Variants in DNAJC6 observed in about 807,000 individuals in gnomAD.
The protein encoded by DNAJC6 is DnaJ heat shock protein family (Hsp40) member C6.
Under a neutral mutation model 110.0 loss-of-function variants are expected in DNAJC6, and 34 were observed. The ratio of observed to expected loss-of-function variants is 0.31; its 90% CI spans 0.24 to 0.41. The LOEUF is 0.41. Among genes scored for constraint, DNAJC6 ranks in the 10% least tolerant of loss-of-function variants. The pLI is 1.00. For synonymous variants in DNAJC6, 406 were observed against 437.2 expected, an observed-to-expected ratio of 0.93 and a Z score of 0.89; for missense variants, 1,031 against 1,207.8, an observed-to-expected ratio of 0.85 and a Z score of 2.17.
chr1:65,413,016 C>G lies in DNAJC6; in HGVS notation c.2904C>G (p.Pro968=), dbSNP rs1646142809. The change falls in exon 19 of 19, where the codon CCC becomes CCG. Residue 968 remains proline (P), a synonymous_variant. Coordinates refer to ENST00000371069, the MANE Select transcript of DNAJC6 (RefSeq NM_001256864.2). ...AATTTGAAAACCAAGGCCAAAAGCC[C>G]TTATATTAATTTATGAGCTTTTCCA... ...WSEFENQGQK[P]LY The G allele has an allele frequency of 1.2e-6, 2 of 1,613,776 alleles. No individual in the cohort carries two copies. The highest frequency in any genetic ancestry group is 1.7e-6 in the Non-Finnish European group (2 of 1,179,818).
chr1:65,300,657 A>G (rs1339090470), intron 1 of DNAJC6, among the ~76,000 whole-genome samples: 2 of 152,244 alleles, frequency 1.3e-5, no homozygotes, highest in Non-Finnish European at 2.9e-5. Flanking sequence ...CTCTTTGGGT[A>G]TGGTAATCCT....
intron 1 of DNAJC6, among the ~76,000 whole-genome samples, chr1:65,347,123 A>G (rs1299583989): frequency 6.6e-6 from 1 of 152,226 alleles, no homozygotes; most frequent in East Asian, 1.9e-4. Flanking sequence ...CTAAGTGGAA[A>G]TATGGCAGGT....
At chr1:65,394,844 A>G (rs1011434257) in intron 12 of DNAJC6, 54 bp from the exon 13 acceptor site, 2 of 1,521,016 alleles carry the variant, frequency 1.3e-6, no homozygotes, top group African/African-American at 1.4e-5. Context: ...ATTCTGTGAC[A>G]TTTAGTGAAT....
chr1:65,331,269 A>G (rs1185507793), intron 1 of DNAJC6, among the ~76,000 whole-genome samples: 5 of 152,224 alleles, frequency 3.3e-5, no homozygotes, highest in Admixed American at 6.5e-5. Flanking sequence ...AAAAGTGGCA[A>G]AGCAGGATCT....
intron 1 of DNAJC6, among the ~76,000 whole-genome samples, chr1:65,361,084 T>G (rs370622351): frequency 1.3e-5 from 2 of 152,322 alleles, no homozygotes; most frequent in Admixed American, 6.5e-5. Flanking sequence ...GGGTTTGAAT[T>G]GCTGACCCTT....
chr1:65,268,904 A>G (rs1452479284), intron 1 of DNAJC6, among the ~76,000 whole-genome samples: 1 of 152,220 alleles, frequency 6.6e-6, no homozygotes, highest in African/African-American at 2.4e-5. Context: ...GCACAAAATA[A>G]TAAGAATGAA....
intron 1 of DNAJC6, among the ~76,000 whole-genome samples, chr1:65,314,054 T>C (rs977494306): frequency 2.0e-5 from 3 of 152,146 alleles, no homozygotes; most frequent in African/African-American, 7.2e-5. Flanking sequence ...AGTAGTCCAA[T>C]TAAAATCTGG....
At chr1:65,356,523 C>A (rs2375698) in intron 1 of DNAJC6, among the ~76,000 whole-genome samples, 2 of 151,560 alleles carry the variant, frequency 1.3e-5, no homozygotes, top group African/African-American at 4.9e-5. Context: ...GAGACTGCAC[C>A]ACTGCACTGC....
chr1:65,296,381 T>C (rs1045527010), intron 1 of DNAJC6, among the ~76,000 whole-genome samples: 1 of 152,166 alleles, frequency 6.6e-6, no homozygotes, highest in African/African-American at 2.4e-5. Flanking sequence ...GCTGAATTCA[T>C]ATTAAGCAGT....
intron 1 of DNAJC6, among the ~76,000 whole-genome samples, chr1:65,315,779 G>T (rs1031874766): frequency 1.3e-5 from 2 of 152,150 alleles, no homozygotes; most frequent in Non-Finnish European, 2.9e-5. Context: ...AGGTTACACA[G>T]GCTCTACTTA....
intron 1 of DNAJC6, among the ~76,000 whole-genome samples, chr1:65,338,112 T>TG (rs1645355714): frequency 6.6e-6 from 1 of 152,088 alleles, no homozygotes; most frequent in African/African-American, 2.4e-5. Context: ...GTGTGAGGGG[T>TG]GCTCACTGCT....
Position 65,331,925 on chromosome 1 carries a change from T to C in DNAJC6, c.193+21987T>C, listed in dbSNP as rs115197792. ...TGGTAATGTTGGGATTTGCTCCACATTGTTATGATACCAAGCTGGAAATCT... is the reference window on the plus strand; with the variant it reads ...TGGTAATGTTGGGATTTGCTCCACACTGTTATGATACCAAGCTGGAAATCT... On this transcript the variant is annotated intron_variant, in intron 1 of 18. Transcript: ENST00000371069. Among the ~76,000 whole-genome samples, 473 of 152,298 alleles carry C rather than the reference T, an allele frequency of 3.1e-3. 1 individual carries two copies. Among genetic ancestry groups the C allele is most frequent in the African/African-American group, 0.011 (460 of 41,570 alleles).
intron 4 of DNAJC6, among the ~76,000 whole-genome samples, chr1:65,374,501 G>T (rs1359234886): frequency 6.6e-6 from 1 of 151,334 alleles, no homozygotes; most frequent in African/African-American, 2.4e-5. Context: ...TCACTTCTTT[G>T]GTTAGATTGA....
intron 1 of DNAJC6, among the ~76,000 whole-genome samples, chr1:65,285,319 T>C (rs977065316): frequency 1.3e-5 from 2 of 152,150 alleles, no homozygotes; most frequent in Non-Finnish European, 2.9e-5. Context: ...GCTCAGACCA[T>C]GTTCTTTTTG....
intron 1 of DNAJC6, among the ~76,000 whole-genome samples, chr1:65,314,001 A>AT (rs1645126198): frequency 6.6e-6 from 1 of 152,224 alleles, no homozygotes; most frequent in African/African-American, 2.4e-5. Flanking sequence ...GTGTTCCAAT[A>AT]TTGGGCTTAA....
chr1:65,298,083 G>A (rs960083517), intron 1 of DNAJC6, among the ~76,000 whole-genome samples: 1 of 151,996 alleles, frequency 6.6e-6, no homozygotes, highest in Non-Finnish European at 1.5e-5. Flanking sequence ...AGACTGAATC[G>A]AGTAATAAAA....
chr1:65,310,047 G>T (rs1209893470), intron 1 of DNAJC6, 109 bp downstream of exon 1: 2 of 1,298,156 alleles, frequency 1.5e-6, no homozygotes, highest in South Asian at 3.4e-5. Context: ...GTTTGCGAGA[G>T]AGCCGGGCTG....
In DNAJC6 at chr1:65,300,060, A is replaced by AAG. The variant is rs1553135518; in HGVS notation, c.-131+35129_-131+35130insGA. Among the ~76,000 whole-genome samples the AAG allele has an allele frequency of 6.4e-3, 951 of 149,752 alleles. 9 individuals carry two copies. The highest frequency in any genetic ancestry group is 0.022 in the African/African-American group (882 of 40,774). ...CTCCATCTCAAAAAAAAAAAAAAAA[A>AAG]AAAGAAAAAAAGTCTGAAATCCAGT... On this transcript the variant is annotated intron_variant, in intron 1 of 19. Coordinates refer to the DNAJC6 transcript ENST00000263441.
chr1:65,356,445 T>C (rs1018748944), intron 1 of DNAJC6, among the ~76,000 whole-genome samples: 2 of 151,792 alleles, frequency 1.3e-5, no homozygotes, highest in Non-Finnish European at 2.9e-5. Flanking sequence ...ATGCCTGTAA[T>C]CCCAGCTACT....
Sources: allele counts gnomAD v4.1 joint callset (sites outside exome capture counted in the v4.1 genomes callset), GRCh38; gene constraint gnomAD v4.1.1; transcripts MANE v1.5; gene names NCBI Gene and HGNC (gene_info 2026-07-23, HGNC 2026-07-21).